The following DNTTIP1 variants were observed in gnomAD, a reference collection of about 807,000 sequenced individuals.
DNTTIP1 encodes deoxynucleotidyltransferase terminal-interacting protein 1.
A neutral mutation model predicts 52.9 loss-of-function variants in DNTTIP1; 22 were observed. The observed-to-expected ratio is 0.42, with a 90% CI of 0.30 to 0.59. The LOEUF (loss-of-function observed/expected upper bound fraction) is 0.59, where lower values mean the gene tolerates loss of function less well. Among genes scored for constraint, DNTTIP1 ranks in the 20% least tolerant of loss-of-function variants. The probability of loss-of-function intolerance (pLI) is 0.22; values close to 1 mark genes in which losing one functional copy is unlikely to be tolerated. For synonymous variants in DNTTIP1, 136 were observed against 155.1 expected (o/e 0.88, Z 0.92); for missense variants, 286 against 435.5 (o/e 0.66, Z 3.06).
chr20:45,808,053 A>G (rs538602384), intron 10 of DNTTIP1, among the ~76,000 whole-genome samples: 24 of 152,180 alleles, frequency 1.6e-4, no homozygotes, highest in South Asian at 8.3e-4. Flanking sequence ...ACCAGAATTT[A>G]AGCCTTATTT....
chr20:45,802,165 G>C (rs1487997785), intron 7 of DNTTIP1, 108 bp downstream of exon 7: 1 of 1,240,498 alleles, frequency 8.1e-7, no homozygotes, highest in Admixed American at 1.7e-5. Flanking sequence ...AGATCCATCA[G>C]CTTAAGTCAT....
rs757638422 is a variant in DNTTIP1, at chr20:45,795,372, C to T, written c.301C>T (p.Arg101Ter). ...CTTCCAGAAGGCAGCACTGAACGTG[C>T]GAGACAATGTTGGGGAGGAGGTGGA... ...KFFQKAALNV[R>*]DNVGEEVDAE... The change falls in exon 4 of 13, where the codon CGA becomes TGA. Residue 101 changes from arginine to a stop codon, truncating the protein, a stop_gained. Coordinates refer to ENST00000372622, the MANE Select transcript of DNTTIP1 (RefSeq NM_052951.3). LOFTEE classifies it high-confidence loss of function. 7 of 1,610,642 alleles carry T rather than the reference C, an allele frequency of 4.3e-6. No individual in the cohort carries two copies. The highest frequency in any genetic ancestry group is 1.1e-5 in the South Asian group (1 of 90,384).
rs780090561 is a variant in DNTTIP1, at chr20:45,811,288, C to T, written c.*93C>T. The T allele has an allele frequency of 4.1e-6, 6 of 1,450,894 alleles. No homozygotes were observed. The highest frequency in any genetic ancestry group is 5.5e-6 in the Non-Finnish European group (6 of 1,082,170). 89.9% of individuals were successfully genotyped at this position (1,450,894 alleles called of 1,614,324 possible). On this transcript the variant is annotated 3_prime_UTR_variant, in exon 13 of 13. Transcript: ENST00000372622. ...CCGCTGGGACTGCTCCTAGATGGATCTCAGCGGCATTAAGCTGTGCCTGAG... is the reference window on the plus strand; with the variant it reads ...CCGCTGGGACTGCTCCTAGATGGATTTCAGCGGCATTAAGCTGTGCCTGAG...
intron 6 of DNTTIP1, 107 bp downstream of exon 6, chr20:45,801,565 A>T: frequency 8.5e-7 from 1 of 1,178,298 alleles, no homozygotes; most frequent in Non-Finnish European, 1.2e-6. Context: ...AGCGGGGAGG[A>T]TCACTTGAGC....
In DNTTIP1 at chr20:45,809,265, C is replaced by T; in HGVS notation, c.795+80C>T. On this transcript the variant is annotated intron_variant, in intron 11 of 12. Coordinates refer to ENST00000372622, the MANE Select transcript of DNTTIP1 (RefSeq NM_052951.3). This position sits in a 1 kb window ranked among gnomAD's most constrained non-coding sequence, Gnocchi z 4.2. Reference sequence around the variant, plus strand: ...GATTTTGGCTGTGGGTGACAGCCTACCTCCAAATCTGACTTCCAAAGCCTC... The same window carrying T: ...GATTTTGGCTGTGGGTGACAGCCTATCTCCAAATCTGACTTCCAAAGCCTC... 1.6e-6 allele frequency: 2 copies of T among 1,245,818 alleles called. No individual in the cohort carries two copies. Among genetic ancestry groups the T allele is most frequent in the South Asian group, 1.2e-5 (1 of 82,306 alleles). 77.2% of individuals were successfully genotyped at this position (1,245,818 alleles called of 1,614,324 possible). A position where few individuals can be genotyped will look rare whatever the true frequency, so the allele number is the denominator to read the frequency against.
chr20:45,803,482 A>G, intron 8 of DNTTIP1, 104 bp downstream of exon 8: 1 of 1,269,874 alleles, frequency 7.9e-7, no homozygotes, highest in Non-Finnish European at 1.1e-6. Flanking sequence ...GGGTGCATGC[A>G]CACCATTCCA....
chr20:45,801,273 G>T, intron 5 of DNTTIP1, 129 bp from the exon 6 acceptor site: 1 of 1,378,126 alleles, frequency 7.3e-7, no homozygotes, highest in Non-Finnish European at 1.0e-6. Flanking sequence ...CATCATGCTG[G>T]ATGGGCTTCT....
At chr20:45,803,446 C>A in intron 8 of DNTTIP1, 68 bp downstream of exon 8, 1 of 1,582,320 alleles carries the variant, frequency 6.3e-7, no homozygotes, top group Non-Finnish European at 8.7e-7. Flanking sequence ...TAGGACCCAC[C>A]ATGAGGGAAA....
Position 45,801,448 on chromosome 20 carries a change from T to G in DNTTIP1, c.488T>G (p.Leu163Arg). The change falls in exon 6 of 13, where the codon CTT becomes CGT. Residue 163 changes from leucine to arginine, a missense_variant. Transcript: ENST00000372622. ...EEECAHRGSP[L>R]PKKRKGRPPG... is the part of the protein sequence containing the mutation. ...GAATGTGCCCATCGAGGAAGCCCCCTTCCTAAAAAGGTAAACCATTTCCTT... is the reference window on the plus strand; with the variant it reads ...GAATGTGCCCATCGAGGAAGCCCCCGTCCTAAAAAGGTAAACCATTTCCTT... 6.2e-7 allele frequency: 1 copy of G among 1,614,152 alleles called. No homozygotes were observed. Among genetic ancestry groups the G allele is most frequent in the East Asian group, 2.2e-5 (1 of 44,872 alleles).
intron 4 of DNTTIP1, 80 bp from the exon 5 acceptor site, chr20:45,800,994 C>CA (rs138893029): frequency 0.14 from 142,078 of 1,016,618 alleles, 1,682 homozygotes; most frequent in African/African-American, 0.26. Flanking sequence ...ACTCTGTCTC[C>CA]AAAAAAAAAA....
chr20:45,794,058 C>T, intron 3 of DNTTIP1, 41 bp downstream of exon 3: 1 of 1,354,752 alleles, frequency 7.4e-7, no homozygotes, highest in Non-Finnish European at 1.0e-6. Context: ...GAGAAAGACT[C>T]ATGAGGAGCC....
At chr20:45,803,175 T>G (rs564391365) in intron 7 of DNTTIP1, 158 bp from the exon 8 acceptor site, 1 of 676,898 alleles carries the variant, frequency 1.5e-6, no homozygotes, top group Admixed American at 2.5e-5. Flanking sequence ...GTCCAGTGCT[T>G]TTTTTCCCTT....
In DNTTIP1 at chr20:45,795,361, C is replaced by G. The variant is rs188296105; in HGVS notation, c.290C>G (p.Ala97Gly). The change falls in exon 4 of 13, where the codon GCA becomes GGA. Residue 97 changes from alanine (A) to glycine (G), a missense_variant. Coordinates refer to ENST00000372622, the MANE Select transcript of DNTTIP1 (RefSeq NM_052951.3). The stretch of plus-strand genomic sequence containing the variant: ...CTCCCCTAGTTCTTCCAGAAGGCAG[C>G]ACTGAACGTGCGAGACAATGTTGGG... ...NKYMKFFQKAALNVRDNVGEE... is the reference protein window; with the variant it reads ...NKYMKFFQKAGLNVRDNVGEE... 1.9e-6 allele frequency: 3 copies of G among 1,609,584 alleles called. No homozygotes were observed. The highest frequency in any genetic ancestry group is 1.1e-5 in the South Asian group (1 of 90,170).
At chr20:45,806,004 C>T (rs1260467365) in intron 10 of DNTTIP1, among the ~76,000 whole-genome samples, 1 of 151,402 alleles carries the variant, frequency 6.6e-6, no homozygotes, top group Admixed American at 6.6e-5. Context: ...ATCGCTTGAA[C>T]CCAGGAGGCG....
rs950905044 is a variant in DNTTIP1 at position 45,801,545 on chromosome 20, T to G, written c.498+87T>G. On this transcript the variant is annotated intron_variant, in intron 6 of 12. Transcript: ENST00000372622. Reference sequence around the variant, plus strand: ...GCTCACACCTGTAATCCCAACACTTTGGGAGGCCAAGCGGGGAGGATCACT... The same window carrying G: ...GCTCACACCTGTAATCCCAACACTTGGGGAGGCCAAGCGGGGAGGATCACT... 9.8e-6 allele frequency: 14 copies of G among 1,429,052 alleles called. No homozygotes were observed. The South Asian group carries it at 1.6e-4, about 16-fold the overall frequency. 88.5% of individuals were successfully genotyped at this position (1,429,052 alleles called of 1,614,324 possible).
intron 3 of DNTTIP1, 119 bp from the exon 4 acceptor site, chr20:45,795,226 T>C (rs1981197963): frequency 1.7e-6 from 1 of 577,652 alleles, no homozygotes; most frequent in African/African-American, 1.9e-5. Context: ...AAAGCCCTGC[T>C]CATAATCACT....
intron 4 of DNTTIP1, among the ~76,000 whole-genome samples, chr20:45,795,720 A>G (rs1271382617): frequency 6.6e-6 from 1 of 152,122 alleles, no homozygotes; most frequent in Non-Finnish European, 1.5e-5. Flanking sequence ...AATCGCTTGA[A>G]CCTGGGAGAC....
intron 4 of DNTTIP1, among the ~76,000 whole-genome samples, chr20:45,798,901 C>T (rs1253046202): frequency 6.6e-6 from 1 of 152,184 alleles, no homozygotes; most frequent in Non-Finnish European, 1.5e-5. Flanking sequence ...AATGAACAAA[C>T]AAGCTTCCTG....
intron 4 of DNTTIP1, among the ~76,000 whole-genome samples, chr20:45,799,948 A>G (rs113530443): frequency 0.14 from 15,779 of 112,180 alleles, 959 homozygotes; most frequent in South Asian, 0.29. Flanking sequence ...TCTACTAAAA[A>G]TACCAAAAAA....
Sources: allele counts gnomAD v4.1 joint callset (sites outside exome capture counted in the v4.1 genomes callset), GRCh38; gene constraint gnomAD v4.1.1; non-coding constraint Gnocchi (gnomAD v3.1); transcripts MANE v1.5; gene names NCBI Gene and HGNC (gene_info 2026-07-23, HGNC 2026-07-21).